Variants in SMAD3 observed in about 807,000 individuals in gnomAD.
SMAD3 encodes SMAD family member 3.
In SMAD3, 12 loss-of-function variants were observed where a neutral mutation model predicts 51.8. That is an observed-to-expected ratio of 0.23 (90% CI 0.15 to 0.38). SMAD3 has a LOEUF of 0.38. SMAD3 is among the 10% of genes least tolerant of loss of function. SMAD3 has a pLI of 1.00. For missense variants in SMAD3, 294 were observed against 565.6 expected (o/e 0.52, Z 4.87); for synonymous variants, 238 against 227.7 (o/e 1.05, Z -0.41).
intron 1 of SMAD3, among the ~76,000 whole-genome samples, chr15:67,159,201 G>T (rs1048835609): frequency 6.6e-6 from 1 of 151,926 alleles, no homozygotes; most frequent in African/African-American, 2.4e-5. Context: ...CTCCCGAGTT[G>T]CTGGGACTAT....
chr15:67,127,313 A>T (rs1961414039), intron 1 of SMAD3, among the ~76,000 whole-genome samples: 1 of 152,238 alleles, frequency 6.6e-6, no homozygotes, highest in Non-Finnish European at 1.5e-5. Flanking sequence ...CCTGTAAAAA[A>T]GGAAACCAAG....
At chr15:67,118,606 T>C (rs1961188303) in intron 1 of SMAD3, among the ~76,000 whole-genome samples, 1 of 152,186 alleles carries the variant, frequency 6.6e-6, no homozygotes, top group Non-Finnish European at 1.5e-5. Flanking sequence ...AATGCCTTTC[T>C]CTAGGAGGTT....
chr15:67,147,165 G>A (rs1209786896), intron 1 of SMAD3, among the ~76,000 whole-genome samples: 4 of 151,758 alleles, frequency 2.6e-5, no homozygotes, highest in African/African-American at 9.7e-5. Context: ...GAGGAGGGAA[G>A]AGAGAGAGAG....
At chr15:67,095,315 G>A (rs966891651) in intron 1 of SMAD3, among the ~76,000 whole-genome samples, 7 of 152,104 alleles carry the variant, frequency 4.6e-5, no homozygotes, top group Admixed American at 1.3e-4. Context: ...TCCTTTGGCC[G>A]TCATATCTGA....
In SMAD3 at chr15:67,181,471, T is replaced by TGCC; in HGVS notation, c.871+18_871+19insGCC. On this transcript the variant is annotated intron_variant, in intron 6 of 8. Transcript: ENST00000327367. ...ACACATCGGTATGGGGTGGCTCCAT[T>TGCC]CCCCGCCCCCCCACCCTGCCCCTGC... The TGCC allele has an allele frequency of 6.6e-7, 1 of 1,521,122 alleles. No individual in the cohort carries two copies. Among genetic ancestry groups the TGCC allele is most frequent in the Non-Finnish European group, 8.8e-7 (1 of 1,132,026 alleles). The allele number at this position is 1,521,122 out of a possible 1,614,324, so 94.2% of individuals were successfully genotyped here.
At chr15:67,149,598 C>T (rs576637796) in intron 1 of SMAD3, among the ~76,000 whole-genome samples, 127 of 152,214 alleles carry the variant, frequency 8.3e-4, no homozygotes, top group African/African-American at 3.0e-3. Flanking sequence ...TTCCTGTTTT[C>T]CTGCCCATAG....
At chr15:67,175,128 G>T (rs1183441758) in intron 5 of SMAD3, among the ~76,000 whole-genome samples, 1 of 152,246 alleles carries the variant, frequency 6.6e-6, no homozygotes, top group African/African-American at 2.4e-5. Flanking sequence ...GAAGGAGGAG[G>T]CAGGTGGAGA....
At chr15:67,179,457 G>A (rs1392220470) in intron 5 of SMAD3, among the ~76,000 whole-genome samples, 1 of 151,886 alleles carries the variant, frequency 6.6e-6, no homozygotes, top group Non-Finnish European at 1.5e-5. Context: ...TCTGGCCCCA[G>A]ATGTCAGTAG....
At chr15:67,159,046 A>C (rs1962357154) in intron 1 of SMAD3, among the ~76,000 whole-genome samples, 1 of 152,134 alleles carries the variant, frequency 6.6e-6, no homozygotes, top group African/African-American at 2.4e-5. Context: ...TCATTAAAAA[A>C]ATTTTTTTAA....
In SMAD3 at chr15:67,194,272, A is replaced by T. The variant is rs1595970081; in HGVS notation, c.*3736A>T. On this transcript the variant is annotated 3_prime_UTR_variant, in exon 9 of 9. Coordinates refer to ENST00000327367, the MANE Select transcript of SMAD3 (RefSeq NM_005902.4). Reference sequence around the variant, plus strand: ...GTAACCGTCTTCACAATGTATTTTCATCACAGTTTAAGGAGCATCAGCCGC... The same window carrying T: ...GTAACCGTCTTCACAATGTATTTTCTTCACAGTTTAAGGAGCATCAGCCGC... The T allele has an allele frequency of 5.1e-5, 12 of 233,262 alleles. No homozygotes were observed. The East Asian group carries it at 7.2e-4, about 14-fold the overall frequency. The allele number at this position is 233,262 out of a possible 1,614,324, so 14.4% of individuals were successfully genotyped here. A position where few individuals can be genotyped will look rare whatever the true frequency, so the allele number is the denominator to read the frequency against.
At chr15:67,129,058 T>C (rs965863609) in intron 1 of SMAD3, among the ~76,000 whole-genome samples, 2 of 152,184 alleles carry the variant, frequency 1.3e-5, no homozygotes, top group Non-Finnish European at 2.9e-5. Flanking sequence ...GAATTTGGAA[T>C]AAAGCCTGCT....
intron 1 of SMAD3, among the ~76,000 whole-genome samples, chr15:67,155,690 T>G (rs2140282135): frequency 6.6e-6 from 1 of 152,210 alleles, no homozygotes; most frequent in East Asian, 1.9e-4. Context: ...AATGCAAAAT[T>G]TAAGTAAAGA....
At chr15:67,173,604 C>T (rs1001177456) in intron 5 of SMAD3, among the ~76,000 whole-genome samples, 17 of 152,244 alleles carry the variant, frequency 1.1e-4, no homozygotes, top group Admixed American at 7.8e-4. Flanking sequence ...GTCTGCTTAG[C>T]GCCCTCTTGC....
chr15:67,193,286 G>GT lies in SMAD3; in HGVS notation c.*2751dup. 8.6e-6 allele frequency: 2 copies of GT among 233,446 alleles called. No homozygotes were observed. The highest frequency in any genetic ancestry group is 1.8e-4 in the South Asian group (1 of 5,524). 14.5% of individuals were successfully genotyped at this position (233,446 alleles called of 1,614,324 possible). A position where few individuals can be genotyped will look rare whatever the true frequency, so the allele number is the denominator to read the frequency against. On this transcript the variant is annotated 3_prime_UTR_variant, in exon 9 of 9. Transcript: ENST00000327367. ...GCGTTCACCTAGTCAACACGACCGC[G>GT]TGTGTTGCCCCTGCCCTGGGCTCCC...
intron 1 of SMAD3, among the ~76,000 whole-genome samples, chr15:67,121,356 C>T (rs938042244): frequency 6.6e-6 from 1 of 152,194 alleles, no homozygotes; most frequent in African/African-American, 2.4e-5. Context: ...CTTGTGGGTC[C>T]TGAGGGCATC....
chr15:67,138,911 T>G (rs1222924333), intron 1 of SMAD3, among the ~76,000 whole-genome samples: 1 of 152,232 alleles, frequency 6.6e-6, no homozygotes, highest in African/African-American at 2.4e-5. Flanking sequence ...CTTTACTCTT[T>G]TAGTGGAATT....
intron 1 of SMAD3, among the ~76,000 whole-genome samples, chr15:67,078,287 C>A (rs893110542): frequency 2.6e-5 from 4 of 152,158 alleles, no homozygotes; most frequent in Admixed American, 2.6e-4. Flanking sequence ...CAAGCACAGG[C>A]CCCCAAATTA....
At chr15:67,073,143 C>G (rs1057285148) in intron 1 of SMAD3, among the ~76,000 whole-genome samples, 2 of 152,186 alleles carry the variant, frequency 1.3e-5, no homozygotes, top group African/African-American at 4.8e-5. Context: ...CCACATCCCC[C>G]AAGCTCTGCA....
At chr15:67,171,406 G>C (rs1016987770) in intron 5 of SMAD3, among the ~76,000 whole-genome samples, 7 of 152,178 alleles carry the variant, frequency 4.6e-5, no homozygotes. Context: ...CTTGGGATAG[G>C]CTTTGGCATG....
Sources: gnomAD v4.1 joint callset for allele counts (sites outside exome capture counted in the v4.1 genomes callset) on GRCh38, gnomAD v4.1.1 for gene constraint, MANE v1.5 for transcripts, NCBI Gene and HGNC (gene_info 2026-07-23, HGNC 2026-07-21) for gene names.